Variants in EYS observed in about 807,000 individuals in gnomAD.
EYS encodes the protein EGF-like photoreceptor maintenance factor, also known as protein eyes shut homolog.
Under a neutral mutation model 282.1 loss-of-function variants are expected in EYS, and 250 were observed. That is an observed-to-expected ratio of 0.89 (90% confidence interval 0.80 to 0.98). The LOEUF (loss-of-function observed/expected upper bound fraction) is 0.98. Ranked by LOEUF, EYS falls within the 50% of genes least tolerant of loss-of-function variation. The pLI is 0.00. For missense variants in EYS, 4,016 were observed against 3,709.0 expected (o/e 1.08, Z -2.15); for synonymous variants, 1,355 against 1,282.9 (o/e 1.06, Z -1.20).
At chr6:65,095,417 AAG>A (rs1774711266) in intron 12 of EYS, among the ~76,000 whole-genome samples, 1 of 151,036 alleles carries the variant, frequency 6.6e-6, no homozygotes, top group African/African-American at 2.4e-5. Flanking sequence ...GAAAGTTGCT[AAG>A]AGAGTTTAAA....
At chr6:65,547,942 G>A (rs1405831259) in intron 2 of EYS, among the ~76,000 whole-genome samples, 1 of 152,162 alleles carries the variant, frequency 6.6e-6, no homozygotes, top group Non-Finnish European at 1.5e-5. Flanking sequence ...GACAAGGCTA[G>A]ATAGACTCTC....
intron 22 of EYS, among the ~76,000 whole-genome samples, chr6:64,766,628 T>G (rs1773345341): frequency 9.6e-5 from 1 of 10,456 alleles, no homozygotes; most frequent in Admixed American, 1.8e-3. Context: ...TGAAACTCCG[T>G]CTCAAAAAAA....
In EYS at chr6:64,556,967, G is replaced by C. The variant is rs191165699; in HGVS notation, c.5644+33256C>G. Among the ~76,000 whole-genome samples, 722 of 151,870 alleles carry C rather than the reference G, an allele frequency of 4.8e-3. 7 individuals are homozygous for C. The highest frequency in any genetic ancestry group is 0.016 in the African/African-American group (680 of 41,510). On this transcript the variant is annotated intron_variant, in intron 26 of 42. Coordinates refer to ENST00000503581, the MANE Select transcript of EYS (RefSeq NM_001142800.2). ...GACAATTTTACATTAATGTTACTTA[G>C]AAAAGGAATATTTTCTAAGTTAAGA...
intron 12 of EYS, among the ~76,000 whole-genome samples, chr6:65,193,839 AACCAAACCACCCGAGG>A (rs1765700386): frequency 6.6e-6 from 1 of 151,892 alleles, no homozygotes; most frequent in African/African-American, 2.4e-5. Context: ...CAAAGGTGTC[AACCAAACCACCCGAGG>A]ACCAATGGGA....
At chr6:64,525,693 TA>T (rs1175037982) in intron 26 of EYS, among the ~76,000 whole-genome samples, 9 of 151,320 alleles carry the variant, frequency 5.9e-5, no homozygotes, top group Non-Finnish European at 8.9e-5. Flanking sequence ...AAAATAAAAA[TA>T]AAAATAAAAA....
intron 32 of EYS, among the ~76,000 whole-genome samples, chr6:64,072,478 A>T (rs148789300): frequency 6.6e-6 from 1 of 151,524 alleles, no homozygotes; most frequent in Non-Finnish European, 1.5e-5. Flanking sequence ...TTGAGAGTAT[A>T]ATTAAAATTT....
intron 12 of EYS, among the ~76,000 whole-genome samples, chr6:65,194,728 C>T (rs141581585): frequency 1.4e-4 from 22 of 152,080 alleles, no homozygotes; most frequent in Admixed American, 5.2e-4. Flanking sequence ...GTCCTCCCGA[C>T]CCTAGAGAAA....
intron 12 of EYS, among the ~76,000 whole-genome samples, chr6:65,085,208 T>G (rs1397526520): frequency 4.6e-5 from 7 of 152,110 alleles, no homozygotes; most frequent in Admixed American, 3.3e-4. Flanking sequence ...TCTCAAACCT[T>G]TAATATTAAT....
chr6:65,590,081 A>C (rs1765180483), intron 2 of EYS, among the ~76,000 whole-genome samples: 1 of 152,106 alleles, frequency 6.6e-6, no homozygotes. Flanking sequence ...CTTAGTGCTT[A>C]ATAAAATTCT....
chr6:64,251,635 CTT>C (rs1372787894), intron 30 of EYS, among the ~76,000 whole-genome samples: 1 of 152,074 alleles, frequency 6.6e-6, no homozygotes, highest in Non-Finnish European at 1.5e-5. Flanking sequence ...TTCATTTTCT[CTT>C]ATTTGTTTTA....
chr6:64,021,566 T>C lies in EYS; in HGVS notation c.6726-22383A>G, dbSNP rs186981411. On this transcript the variant is annotated intron_variant, in intron 33 of 42. Coordinates refer to ENST00000503581, the MANE Select transcript of EYS (RefSeq NM_001142800.2). ...AGTGATTGTTCATCAGCTAAATAAA[T>C]GGTAAGTCTTGTTATAAGTAGGAGG... is the stretch of plus-strand genomic sequence containing the variant. Among the ~76,000 whole-genome samples the C allele has an allele frequency of 1.2e-4, 18 of 152,242 alleles. No homozygotes were observed. In the East Asian group the frequency reaches 2.5e-3, roughly 21 times the overall value.
intron 11 of EYS, among the ~76,000 whole-genome samples, chr6:65,300,552 G>A (rs1263581157): frequency 6.6e-6 from 1 of 151,780 alleles, no homozygotes; most frequent in Non-Finnish European, 1.5e-5. Context: ...ACTGACTTTG[G>A]TCTCTGGCTG....
chr6:64,847,724 A>G (rs1209992141), intron 19 of EYS, among the ~76,000 whole-genome samples: 1 of 152,062 alleles, frequency 6.6e-6, no homozygotes, highest in Non-Finnish European at 1.5e-5. Context: ...CAAACAAACA[A>G]AAAAACCATA....
intron 12 of EYS, among the ~76,000 whole-genome samples, chr6:65,179,495 T>C (rs1098685): frequency 0.046 from 6,915 of 151,968 alleles, 441 homozygotes; most frequent in African/African-American, 0.15. Flanking sequence ...ATACATCCTC[T>C]CAAGACTAAA....
chr6:64,188,098 T>C lies in EYS; in HGVS notation c.6424+42494A>G, dbSNP rs114177757. On this transcript the variant is annotated intron_variant, in intron 31 of 42. Coordinates refer to ENST00000503581, the MANE Select transcript of EYS (RefSeq NM_001142800.2). ...ATCATTTAAGTAGTCCAAATTTGTTTTCTCTTATTTTACTTATTTTTACTT... is the reference window on the plus strand; with the variant it reads ...ATCATTTAAGTAGTCCAAATTTGTTCTCTCTTATTTTACTTATTTTTACTT... Among the ~76,000 whole-genome samples, 462 of 152,222 alleles carry C rather than the reference T, an allele frequency of 3.0e-3. 5 individuals are homozygous for C. The highest frequency in any genetic ancestry group is 0.011 in the African/African-American group (440 of 41,558).
intron 4 of EYS, among the ~76,000 whole-genome samples, chr6:65,493,142 T>G (rs1300458875): frequency 6.6e-6 from 1 of 152,120 alleles, no homozygotes; most frequent in Non-Finnish European, 1.5e-5. Flanking sequence ...CTTGAACTCC[T>G]TACCTCAGGT....
chr6:64,555,193 A>G lies in EYS; in HGVS notation c.5644+35030T>C, dbSNP rs556150459. ...TCTAGTATAAACACACACCACTTAT[A>G]AAGAAGGGAAATCCTATTATTTCCT... is the stretch of plus-strand genomic sequence containing the variant. On this transcript the variant is annotated intron_variant, in intron 26 of 42. Coordinates refer to ENST00000503581, the MANE Select transcript of EYS (RefSeq NM_001142800.2). 3.9e-5 allele frequency among the ~76,000 whole-genome samples: 6 copies of G among 152,056 alleles called. No homozygotes were observed. The East Asian group carries it at 9.7e-4, about 24-fold the overall frequency.
At chr6:65,635,166 T>C (rs1465384207) in intron 2 of EYS, among the ~76,000 whole-genome samples, 5 of 152,188 alleles carry the variant, frequency 3.3e-5, no homozygotes, top group Non-Finnish European at 5.9e-5. Context: ...TGCAGATAAC[T>C]GCAAAGTGGT....
At chr6:63,933,520 TATGGTGG>T (rs1226056356) in intron 35 of EYS, among the ~76,000 whole-genome samples, 1 of 152,188 alleles carries the variant, frequency 6.6e-6, no homozygotes, top group Non-Finnish European at 1.5e-5. Flanking sequence ...TTTGGGTTTT[TATGGTGG>T]CTTCATTATG....
Sources: allele counts gnomAD v4.1 joint callset (sites outside exome capture counted in the v4.1 genomes callset), GRCh38; gene constraint gnomAD v4.1.1; transcripts MANE v1.5; gene names NCBI Gene and HGNC (gene_info 2026-07-23, HGNC 2026-07-21).